Variants in STARD13 observed in about 807,000 individuals in gnomAD.
STARD13 encodes the protein stAR-related lipid transfer protein 13.
Under a neutral mutation model 106.4 loss-of-function variants are expected in STARD13, and 62 were observed. The observed-to-expected ratio is 0.58, with a 90% CI of 0.48 to 0.72. The LOEUF (loss-of-function observed/expected upper bound fraction) is 0.72. Ranked by LOEUF, STARD13 falls within the 30% of genes least tolerant of loss-of-function variation. STARD13 has a pLI of 0.00. For synonymous variants in STARD13, 565 were observed against 553.0 expected (o/e 1.02, Z -0.31); for missense variants, 1,387 against 1,424.0 (o/e 0.97, Z 0.42).
chr13:33,302,236 T>A (rs1016929301), intron 1 of STARD13, among the ~76,000 whole-genome samples: 1 of 152,144 alleles, frequency 6.6e-6, no homozygotes, highest in Non-Finnish European at 1.5e-5. Flanking sequence ...AATGAAGAAC[T>A]GACAATAATA....
the STARD13 span, among the ~76,000 whole-genome samples, chr13:33,398,772 G>A: frequency 6.6e-6 from 1 of 152,108 alleles, no homozygotes; most frequent in Admixed American, 6.5e-5. Context: ...TGTTTGTGAG[G>A]ATGTACCACA....
At chr13:33,350,464 G>C in exon 1 of STARD13, 1 of 1,502,196 alleles carries the variant, frequency 6.7e-7, no homozygotes, top group Non-Finnish European at 8.9e-7. Flanking sequence ...CCACTCCCGC[G>C]TGGCCCGCGA....
At chr13:33,381,763 A>C in the STARD13 span, among the ~76,000 whole-genome samples, 88 of 152,318 alleles carry the variant, frequency 5.8e-4, 1 homozygote, top group African/African-American at 2.1e-3. Context: ...TAAAACTAAA[A>C]ATAAATTAAA....
intron 1 of STARD13, among the ~76,000 whole-genome samples, chr13:33,242,368 G>A (rs1392477100): frequency 6.6e-6 from 1 of 152,210 alleles, no homozygotes; most frequent in Admixed American, 6.5e-5. Flanking sequence ...TGTGTAGAAA[G>A]AAGTAGACAT....
intron 1 of STARD13, among the ~76,000 whole-genome samples, chr13:33,230,739 G>C (rs936205912): frequency 5.9e-5 from 9 of 152,202 alleles, no homozygotes; most frequent in Non-Finnish European, 1.3e-4. Context: ...CGTAAGGTCG[G>C]TCTTTACTCA....
chr13:33,547,143 C>CTT, the STARD13 span, among the ~76,000 whole-genome samples: 11 of 152,004 alleles, frequency 7.2e-5, no homozygotes, highest in Non-Finnish European at 1.3e-4. Flanking sequence ...TTTTCTTTTT[C>CTT]TTTTGGCCAT....
intron 1 of STARD13, among the ~76,000 whole-genome samples, chr13:33,248,769 T>G (rs1375299800): frequency 6.6e-6 from 1 of 152,250 alleles, no homozygotes; most frequent in East Asian, 1.9e-4. Context: ...CTTTCCCTTA[T>G]TCAGTGTTTG....
chr13:33,504,471 T>C, the STARD13 span, among the ~76,000 whole-genome samples: 1 of 152,006 alleles, frequency 6.6e-6, no homozygotes, highest in Non-Finnish European at 1.5e-5. Context: ...CGGATGAAAC[T>C]GGAAACCATC....
chr13:33,519,174 C>T, the STARD13 span, among the ~76,000 whole-genome samples: 1 of 150,538 alleles, frequency 6.6e-6, no homozygotes, highest in African/African-American at 2.5e-5. Flanking sequence ...AGGCAGACTC[C>T]CACTCCTGTT....
the STARD13 span, among the ~76,000 whole-genome samples, chr13:33,388,541 G>A: frequency 1.3e-5 from 2 of 152,200 alleles, no homozygotes; most frequent in Non-Finnish European, 2.9e-5. Context: ...CCCAAGCTGA[G>A]TACATACCCA....
chr13:33,169,107 A>G (rs865893916), intron 1 of STARD13, among the ~76,000 whole-genome samples: 1 of 152,296 alleles, frequency 6.6e-6, no homozygotes. Context: ...CCATGTACCC[A>G]TTCCTGCCAT....
chr13:33,529,249 C>A, the STARD13 span, among the ~76,000 whole-genome samples: 2 of 152,154 alleles, frequency 1.3e-5, no homozygotes, highest in African/African-American at 4.8e-5. Context: ...ATGATGTGAT[C>A]TGTTGAAGAT....
intron 8 of STARD13, among the ~76,000 whole-genome samples, chr13:33,114,999 A>G (rs1048466185): frequency 6.6e-6 from 1 of 151,978 alleles, no homozygotes; most frequent in Non-Finnish European, 1.5e-5. Context: ...GATAATTTGC[A>G]ATCATATGGG....
At chr13:33,343,893 C>T (rs948276466), downstream of STARD13, among the ~76,000 whole-genome samples, 2 of 152,100 alleles carry the variant, frequency 1.3e-5, no homozygotes, top group Non-Finnish European at 2.9e-5. Flanking sequence ...GTCTACACTT[C>T]TGACATCCAC....
chr13:33,285,510 C>G lies in STARD13; in HGVS notation c.129G>C (p.Arg43=). The stretch of plus-strand genomic sequence containing the variant: ...TCACTAGCTGATGGCGTGCTAGAAT[C>G]CGGCTCATCCTGTAAGGAGAGCGTC... ...TTRRSPYRMS[R]ILARHQLVTK... Residue 43 remains arginine, a synonymous_variant, in exon 1 of 14, where the codon CGG becomes CGC. Coordinates refer to ENST00000336934, the MANE Select transcript of STARD13 (RefSeq NM_178006.4). The G allele has an allele frequency of 6.2e-7, 1 of 1,613,998 alleles. No individual in the cohort carries two copies. Among genetic ancestry groups the G allele is most frequent in the Non-Finnish European group, 8.5e-7 (1 of 1,179,902 alleles).
intron 1 of STARD13, among the ~76,000 whole-genome samples, chr13:33,343,602 TC>T (rs1566150591): frequency 5.5e-4 from 39 of 70,962 alleles, no homozygotes; most frequent in African/African-American, 2.2e-3. Context: ...AAAAAACAAA[TC>T]TACAAATCTA....
At chr13:33,644,733 G>A in the STARD13 span, among the ~76,000 whole-genome samples, 1 of 152,256 alleles carries the variant, frequency 6.6e-6, no homozygotes, top group East Asian at 1.9e-4. Flanking sequence ...TTGTGGGTGA[G>A]TCTGTGTTCC....
At chr13:33,505,863 G>C in the STARD13 span, among the ~76,000 whole-genome samples, 1 of 152,142 alleles carries the variant, frequency 6.6e-6, no homozygotes, top group African/African-American at 2.4e-5. Flanking sequence ...GGTCTGCAGA[G>C]TCCTGGGCAT....
At chr13:33,509,685 C>T in the STARD13 span, among the ~76,000 whole-genome samples, 1 of 152,164 alleles carries the variant, frequency 6.6e-6, no homozygotes, top group African/African-American at 2.4e-5. Context: ...TTTGTTACCA[C>T]TGTAGGGAGT....
Sources: allele counts gnomAD v4.1 joint callset (sites outside exome capture counted in the v4.1 genomes callset), GRCh38; gene constraint gnomAD v4.1.1; transcripts MANE v1.5; gene names NCBI Gene and HGNC (gene_info 2026-07-23, HGNC 2026-07-21).